CWC22: variants seen among roughly 807,000 people sequenced by gnomAD.
CWC22 encodes the protein pre-mRNA-splicing factor CWC22 homolog.
A neutral mutation model predicts 117.2 loss-of-function variants in CWC22; 53 were observed. The observed-to-expected ratio is 0.45, with a 90% confidence interval of 0.36 to 0.57. The LOEUF is 0.57. Among genes scored for constraint, CWC22 ranks in the 20% least tolerant of loss-of-function variants. The probability of loss-of-function intolerance (pLI) is 0.00; values close to 1 mark genes in which losing one functional copy is unlikely to be tolerated. For missense variants in CWC22, 980 were observed against 1,068.8 expected (o/e 0.92, Z 1.16); for synonymous variants, 360 against 355.6 (o/e 1.01, Z -0.14).
intron 16 of CWC22, among the ~76,000 whole-genome samples, chr2:179,953,767 C>T (rs374058983): frequency 2.2e-4 from 34 of 152,210 alleles, no homozygotes; most frequent in African/African-American, 8.2e-4. Context: ...AAGAACACAT[C>T]CTTCTAGAAC....
chr2:179,988,692 A>G (rs951902712), intron 2 of CWC22, 48 bp from the exon 3 acceptor site: 8 of 1,004,994 alleles, frequency 8.0e-6, no homozygotes, highest in Admixed American at 5.2e-5. Context: ...ATTTATGTTA[A>G]TAACACAGAC....
chr2:179,977,540 TAA>T (rs1687181947), intron 6 of CWC22, among the ~76,000 whole-genome samples: 1 of 152,146 alleles, frequency 6.6e-6, no homozygotes, highest in Non-Finnish European at 1.5e-5. Flanking sequence ...AATCAGAGTA[TAA>T]AATGATGGTT....
intron 12 of CWC22, 117 bp downstream of exon 12, chr2:179,965,761 C>G: frequency 1.2e-6 from 1 of 843,784 alleles, no homozygotes. Flanking sequence ...ACCTCCTAGA[C>G]GCCATCAGCA....
chr2:179,946,632 T>C (rs1384404771), intron 19 of CWC22, among the ~76,000 whole-genome samples: 2 of 152,172 alleles, frequency 1.3e-5, no homozygotes, highest in African/African-American at 2.4e-5. Flanking sequence ...ACTTAACAAA[T>C]TGAATCCAAA....
intron 1 of CWC22, among the ~76,000 whole-genome samples, chr2:180,002,764 G>A (rs764922415): frequency 9.9e-5 from 15 of 152,208 alleles, no homozygotes; most frequent in Non-Finnish European, 1.6e-4. Context: ...TATCCATATC[G>A]AAAGGGGAAA....
rs1241349476 is a variant in CWC22 at position 180,001,764 on chromosome 2, T to C, written c.-114+5103A>G. ...ATCCAGGGGCAGCTTCCTTCTTTTA[T>C]GGGACATTGCTCTAGCATTTGGCAC... On this transcript the variant is annotated intron_variant, in intron 1 of 19. Coordinates refer to ENST00000410053, the MANE Select transcript of CWC22 (RefSeq NM_020943.3). Among the ~76,000 whole-genome samples, 5 of 152,380 alleles carry C rather than the reference T, an allele frequency of 3.3e-5. No homozygotes were observed. In the East Asian group the frequency reaches 5.8e-4, roughly 18 times the overall value.
chr2:179,969,235 A>T (rs572338030), intron 11 of CWC22, among the ~76,000 whole-genome samples: 1 of 152,312 alleles, frequency 6.6e-6, no homozygotes, highest in African/African-American at 2.4e-5. Flanking sequence ...TTTCAGGGAG[A>T]CTGTAGGAAA....
chr2:179,960,913 T>C (rs546774620), intron 13 of CWC22, among the ~76,000 whole-genome samples: 50 of 152,122 alleles, frequency 3.3e-4, no homozygotes, highest in African/African-American at 1.1e-3. Context: ...GAGTAAATGA[T>C]ATATTATTCT....
At chr2:179,951,035 C>A in intron 17 of CWC22, 109 bp from the exon 18 acceptor site, 1 of 678,934 alleles carries the variant, frequency 1.5e-6, no homozygotes, top group Non-Finnish European at 2.5e-6. Flanking sequence ...AAATGAAATA[C>A]AACCAAGTAA....
intron 11 of CWC22, among the ~76,000 whole-genome samples, chr2:179,970,101 ATTAACC>A (rs1247511222): frequency 1.3e-5 from 2 of 152,194 alleles, no homozygotes; most frequent in African/African-American, 4.8e-5. Context: ...CCAGAAGGAT[ATTAACC>A]TGACCTCAAG....
At chr2:179,993,768 C>A (rs1193456142) in intron 1 of CWC22, among the ~76,000 whole-genome samples, 2 of 151,788 alleles carry the variant, frequency 1.3e-5, no homozygotes, top group Admixed American at 6.6e-5. Flanking sequence ...GAGATACATA[C>A]CTACATCATA....
chr2:179,981,826 A>G lies in CWC22; in HGVS notation c.378T>C (p.Leu126=). The G allele has an allele frequency of 6.2e-7, 1 of 1,613,896 alleles. No homozygotes were observed. The highest frequency in any genetic ancestry group is 1.1e-5 in the South Asian group (1 of 91,078). The stretch of plus-strand genomic sequence containing the variant: ...GAATATATGCTCCACCAGTGCGAGT[A>G]AGAAGAGGATCCAGCTCATCTTTCT... ...KKKKDELDPL[L]TRTGGAYIPP... is the part of the protein sequence containing the mutation. Residue 126 remains leucine, a synonymous_variant, in exon 5 of 20, where the codon CTT becomes CTC. Coordinates refer to ENST00000410053, the MANE Select transcript of CWC22 (RefSeq NM_020943.3).
chr2:179,986,544 T>G, intron 4 of CWC22, 151 bp downstream of exon 4: 1 of 497,286 alleles, frequency 2.0e-6, no homozygotes, highest in Non-Finnish European at 3.6e-6. Context: ...AATAAGAAGT[T>G]AATTCATATA....
chr2:179,996,624 G>A (rs1687707578), intron 1 of CWC22, among the ~76,000 whole-genome samples: 1 of 151,998 alleles, frequency 6.6e-6, no homozygotes, highest in Admixed American at 6.6e-5. Flanking sequence ...AAAGCAGACT[G>A]GCGGTTATCA....
intron 2 of CWC22, among the ~76,000 whole-genome samples, chr2:179,992,653 T>C (rs1173976367): frequency 6.6e-6 from 1 of 152,240 alleles, no homozygotes; most frequent in Non-Finnish European, 1.5e-5. Flanking sequence ...ACAACTATAA[T>C]GTAAACTCCA....
rs548402200 is a variant in CWC22, at chr2:179,988,205, T to C, written c.95+372A>G. On this transcript the variant is annotated intron_variant, in intron 3 of 19. Coordinates refer to ENST00000410053, the MANE Select transcript of CWC22 (RefSeq NM_020943.3). Reference sequence around the variant, plus strand: ...TTGGGGACCCCTGTTATAATCTATATAAAAATATTTTAAAGACAATACAGA... The same window carrying C: ...TTGGGGACCCCTGTTATAATCTATACAAAAATATTTTAAAGACAATACAGA... Among the ~76,000 whole-genome samples the C allele has an allele frequency of 9.2e-5, 14 of 152,304 alleles. No homozygotes were observed. The South Asian group carries it at 1.4e-3, about 16-fold the overall frequency.
intron 1 of CWC22, among the ~76,000 whole-genome samples, chr2:180,003,909 T>C (rs761643975): frequency 1.3e-5 from 2 of 152,224 alleles, no homozygotes; most frequent in African/African-American, 2.4e-5. Flanking sequence ...CTATAATCCA[T>C]GCTTAAAGTT....
intron 2 of CWC22, among the ~76,000 whole-genome samples, chr2:179,992,377 G>A (rs1233267474): frequency 6.6e-6 from 1 of 151,194 alleles, no homozygotes; most frequent in African/African-American, 2.4e-5. Context: ...CTCCACTCTA[G>A]ATTCTTTGCC....
At chr2:179,983,136 G>A (rs1687326802) in intron 4 of CWC22, among the ~76,000 whole-genome samples, 2 of 152,094 alleles carry the variant, frequency 1.3e-5, no homozygotes, top group African/African-American at 4.8e-5. Flanking sequence ...AGGGGTACAA[G>A]TGCAGGTTTA....
Sources: allele counts gnomAD v4.1 joint callset (sites outside exome capture counted in the v4.1 genomes callset), GRCh38; gene constraint gnomAD v4.1.1; transcripts MANE v1.5; gene names NCBI Gene and HGNC (gene_info 2026-07-23, HGNC 2026-07-21).